The following POU2F1 variants were observed in gnomAD, a reference collection of about 807,000 sequenced individuals.
POU2F1 encodes the protein POU domain, class 2, transcription factor 1.
Under a neutral mutation model 84.9 loss-of-function variants are expected in POU2F1, and 16 were observed. That is an observed-to-expected ratio of 0.19 (90% CI 0.13 to 0.29). POU2F1 has a LOEUF of 0.29. Among genes scored for constraint, POU2F1 ranks in the 10% least tolerant of loss-of-function variants. The probability of loss-of-function intolerance (pLI) is 1.00; values close to 1 mark genes in which losing one functional copy is unlikely to be tolerated. For missense variants in POU2F1, 738 were observed against 942.6 expected (o/e 0.78, Z 2.84); for synonymous variants, 368 against 368.3 (o/e 1.00, Z 0.01).
intron 1 of POU2F1, among the ~76,000 whole-genome samples, chr1:167,228,046 T>C (rs530829828): frequency 1.1e-4 from 17 of 152,188 alleles, no homozygotes; most frequent in Non-Finnish European, 1.9e-4. Flanking sequence ...TCCTGCCCCA[T>C]TGCTGTCAGT....
In POU2F1 at chr1:167,420,416, C is replaced by A. The variant is rs1424640021; in HGVS notation, c.*4606C>A. The A allele has an allele frequency of 2.0e-5, 3 of 152,246 alleles. No individual in the cohort carries two copies. The allele number at this position is 152,246 out of a possible 1,614,324, so 9.4% of individuals were successfully genotyped here. On this transcript the variant is annotated 3_prime_UTR_variant, in exon 16 of 16. Coordinates refer to ENST00000367866, the MANE Select transcript of POU2F1 (RefSeq NM_002697.4). ...ACCTTAGGTGATCTGCCTGCCTTGG[C>A]CTCCCAAAGTGCTGGGATTACAGGT...
At chr1:167,368,645 A>T (rs1659831098) in intron 3 of POU2F1, among the ~76,000 whole-genome samples, 1 of 152,144 alleles carries the variant, frequency 6.6e-6, no homozygotes, top group Non-Finnish European at 1.5e-5. Context: ...TAAACATATT[A>T]TCTGTTCAGA....
intron 1 of POU2F1, among the ~76,000 whole-genome samples, chr1:167,312,528 C>T (rs1655570902): frequency 6.6e-6 from 1 of 151,894 alleles, no homozygotes; most frequent in Non-Finnish European, 1.5e-5. Context: ...CCACACCTGG[C>T]TAAAAGTCAA....
Position 167,425,951 on chromosome 1 carries a change from T to G in POU2F1, c.*10141T>G, listed in dbSNP as rs913745744. 2.8e-5 allele frequency: 4 copies of G among 145,174 alleles called. No individual in the cohort carries two copies. Among genetic ancestry groups the G allele is most frequent in the African/African-American group, 7.5e-5 (3 of 40,108 alleles). The allele number at this position is 145,174 out of a possible 1,614,324, so 9.0% of individuals were successfully genotyped here. A position where few individuals can be genotyped will look rare whatever the true frequency, so the allele number is the denominator to read the frequency against. Reference sequence around the variant, plus strand: ...TGTGCTAGGTAGATGCCTGTGACTTTTTAACTTGGGGGGTGGGGGGATTGC... The same window carrying G: ...TGTGCTAGGTAGATGCCTGTGACTTGTTAACTTGGGGGGTGGGGGGATTGC... On this transcript the variant is annotated 3_prime_UTR_variant, in exon 16 of 16. Transcript: ENST00000367866.
chr1:167,353,977 C>G (rs1359003864), intron 2 of POU2F1, among the ~76,000 whole-genome samples: 1 of 152,192 alleles, frequency 6.6e-6, no homozygotes, highest in Non-Finnish European at 1.5e-5. Flanking sequence ...CCTCAAATAA[C>G]ACATTACTTA....
At chr1:167,233,640 T>G (rs1043642950) in intron 1 of POU2F1, among the ~76,000 whole-genome samples, 8 of 152,188 alleles carry the variant, frequency 5.3e-5, no homozygotes, top group Non-Finnish European at 1.2e-4. Context: ...TGACATAGCA[T>G]CGTTAAGTGA....
At chr1:167,381,591 G>T in intron 7 of POU2F1, among the ~76,000 whole-genome samples, 1 of 134,958 alleles carries the variant, frequency 7.4e-6, no homozygotes, top group Non-Finnish European at 1.6e-5. Context: ...TCTGACCTTT[G>T]TGCTCTCTTC....
At chr1:167,405,422 A>G (rs1177942641) in intron 13 of POU2F1, among the ~76,000 whole-genome samples, 2 of 152,136 alleles carry the variant, frequency 1.3e-5, no homozygotes, top group African/African-American at 2.4e-5. Flanking sequence ...TTATGCCTAT[A>G]ATCCCAGCAC....
At chr1:167,355,001 T>C (rs999539333) in intron 2 of POU2F1, among the ~76,000 whole-genome samples, 2 of 152,172 alleles carry the variant, frequency 1.3e-5, no homozygotes, top group African/African-American at 4.8e-5. Context: ...TGATGAGCTT[T>C]TAATTTTAAA....
At chr1:167,240,211 T>C (rs925322163) in intron 1 of POU2F1, among the ~76,000 whole-genome samples, 2 of 152,194 alleles carry the variant, frequency 1.3e-5, no homozygotes, top group Non-Finnish European at 2.9e-5. Context: ...AATACCCCAG[T>C]AGTCGAAGTG....
intron 2 of POU2F1, among the ~76,000 whole-genome samples, chr1:167,360,028 T>C (rs1458834756): frequency 1.3e-5 from 2 of 152,020 alleles, no homozygotes; most frequent in Non-Finnish European, 2.9e-5. Context: ...ATGAAGTTTT[T>C]TTTCTTGTTG....
chr1:167,263,462 C>T (rs867867489), intron 1 of POU2F1, among the ~76,000 whole-genome samples: 13 of 151,608 alleles, frequency 8.6e-5, no homozygotes, highest in Middle Eastern at 6.8e-3. Flanking sequence ...GGTTGCAGTG[C>T]GCCAAGATCG....
chr1:167,395,197 ATTTCAAAGGTTATAGGC>A (rs1648719072), intron 9 of POU2F1, among the ~76,000 whole-genome samples: 1 of 152,202 alleles, frequency 6.6e-6, no homozygotes, highest in Non-Finnish European at 1.5e-5. Context: ...CTCTGTATAC[ATTTCAAAGGTTATAGGC>A]TTATAGAGAA....
At chr1:167,397,339 GA>G (rs2101909134) in intron 10 of POU2F1, among the ~76,000 whole-genome samples, 1 of 152,268 alleles carries the variant, frequency 6.6e-6, no homozygotes, top group South Asian at 2.1e-4. Flanking sequence ...TAATTTCTAA[GA>G]AACTTTCTTC....
At chr1:167,286,603 C>T (rs531812315) in intron 1 of POU2F1, among the ~76,000 whole-genome samples, 3 of 152,182 alleles carry the variant, frequency 2.0e-5, no homozygotes, top group South Asian at 4.2e-4. Flanking sequence ...TATGCATTAC[C>T]TTATATTGTT....
chr1:167,304,885 A>T (rs980000567), intron 1 of POU2F1, among the ~76,000 whole-genome samples: 2 of 152,136 alleles, frequency 1.3e-5, no homozygotes, highest in African/African-American at 4.8e-5. Flanking sequence ...ATTAGCTGAC[A>T]CCTTTAATGA....
intron 3 of POU2F1, among the ~76,000 whole-genome samples, chr1:167,369,152 T>G (rs748981134): frequency 6.6e-6 from 1 of 152,206 alleles, no homozygotes; most frequent in Non-Finnish European, 1.5e-5. Context: ...TTTTGAACAG[T>G]GTACACTGGT....
At chr1:167,404,276 A>G (rs1490748015) in intron 13 of POU2F1, among the ~76,000 whole-genome samples, 1 of 145,566 alleles carries the variant, frequency 6.9e-6, no homozygotes, top group African/African-American at 2.6e-5. Flanking sequence ...TTGTCTGGTG[A>G]TTTTTGTAGT....
intron 1 of POU2F1, among the ~76,000 whole-genome samples, chr1:167,244,065 A>G (rs897914009): frequency 2.0e-5 from 3 of 152,202 alleles, no homozygotes; most frequent in African/African-American, 7.2e-5. Flanking sequence ...AGCACAGGAC[A>G]CCTGAGATAG....
Sources: gnomAD v4.1 joint callset for allele counts (sites outside exome capture counted in the v4.1 genomes callset) on GRCh38, gnomAD v4.1.1 for gene constraint, MANE v1.5 for transcripts, NCBI Gene and HGNC (gene_info 2026-07-23, HGNC 2026-07-21) for gene names.